The following LPO variants were observed in gnomAD, a reference collection of about 807,000 sequenced individuals.
The protein encoded by LPO is lactoperoxidase, also known as salivary peroxidase.
In LPO, 70 loss-of-function variants were observed where a neutral mutation model predicts 68.4. The observed-to-expected ratio is 1.02, with a 90% confidence interval of 0.84 to 1.25. The LOEUF (loss-of-function observed/expected upper bound fraction) is 1.25. Ranked by LOEUF, LPO falls within the 50% of genes most tolerant of loss-of-function variation. The pLI is 0.00. For missense variants in LPO, 873 were observed against 908.4 expected (o/e 0.96, Z 0.50); for synonymous variants, 360 against 357.6 (o/e 1.01, Z -0.08).
Position 58,264,973 on chromosome 17 carries a change from T to C in LPO, c.1518T>C (p.Asp506=), listed in dbSNP as rs1376266008. The C allele has an allele frequency of 6.2e-7, 1 of 1,613,604 alleles. No individual in the cohort carries two copies. Among genetic ancestry groups the C allele is most frequent in the Non-Finnish European group, 8.5e-7 (1 of 1,179,648 alleles). ...TCAACACTTGGAGGATGGTCAAAGA[T>C]GGTATGCCCTTTCAGGGAAGTGCTG... ...LFFNTWRMVK[D]GGIDPLVRGL... is the part of the protein sequence containing the mutation. The change falls in exon 10 of 13, where the codon GAT becomes GAC. Residue 506 remains aspartate, a splice_region_variant and synonymous_variant. Coordinates refer to ENST00000262290, the MANE Select transcript of LPO (RefSeq NM_006151.3).
At chr17:58,242,156 A>G (rs1969771321) in intron 1 of LPO, among the ~76,000 whole-genome samples, 1 of 152,220 alleles carries the variant, frequency 6.6e-6, no homozygotes, top group South Asian at 2.1e-4. Context: ...GAATCTCCTC[A>G]GAAGATGTAT....
chr17:58,253,847 A>AT (rs202113276), intron 8 of LPO, among the ~76,000 whole-genome samples: 1,888 of 152,316 alleles, frequency 0.012, 24 homozygotes, highest in Middle Eastern at 0.027. Flanking sequence ...GCAGTGGCTC[A>AT]TGCCTGTAAT....
In LPO at chr17:58,249,607, G is replaced by A. The variant is rs767194529; in HGVS notation, c.485G>A (p.Arg162His). ...ALGAANRALA[R>H]WLPAEYEDGL... The stretch of plus-strand genomic sequence containing the variant: ...GGCGCCGCCAACAGGGCTCTGGCGC[G>A]CTGGCTGCCCGCGGAGTACGAGGAC... The change falls in exon 6 of 13, where the codon CGC becomes CAC. Residue 162 changes from arginine to histidine, a missense_variant. By Grantham distance (29) the Arg-to-His change is conservative. Coordinates refer to ENST00000262290, the MANE Select transcript of LPO (RefSeq NM_006151.3). The A allele has an allele frequency of 6.2e-7, 1 of 1,603,358 alleles. No individual in the cohort carries two copies.
intron 7 of LPO, chr17:58,251,451 A>G (rs1969957877): frequency 5.4e-6 from 1 of 185,564 alleles, no homozygotes; most frequent in Admixed American, 5.4e-5. Context: ...ACTCAGAAGG[A>G]CTTGAAACCT....
chr17:58,253,649 C>T (rs1970006437), intron 8 of LPO, among the ~76,000 whole-genome samples: 1 of 152,194 alleles, frequency 6.6e-6, no homozygotes. Context: ...TTTGGACAAA[C>T]CCCCTGGCCA....
At chr17:58,266,823 GA>G (rs1037892857) in intron 11 of LPO, among the ~76,000 whole-genome samples, 2 of 152,122 alleles carry the variant, frequency 1.3e-5, no homozygotes, top group African/African-American at 4.8e-5. Flanking sequence ...CTAATGCAGA[GA>G]AAAGAGCATA....
In LPO at chr17:58,266,228, G is replaced by A; in HGVS notation, c.1595G>A (p.Gly532Glu). Residue 532 changes from glycine to glutamate, a missense_variant, in exon 11 of 13, where the codon GGA (glycine) becomes GAA (glutamate). Gly to Glu is a moderately conservative substitution (Grantham distance 98). Transcript: ENST00000262290. Reference protein sequence around the residue: ...KLMKQNKMMTGELRNKLFQPT... With the variant: ...KLMKQNKMMTEELRNKLFQPT... ...ATGAAACAGAATAAAATGATGACTG[G>A]AGAGCTGCGCAACAAGCTTTTCCAG... 1 of 1,614,140 alleles carries A rather than the reference G, an allele frequency of 6.2e-7. No individual in the cohort carries two copies. The highest frequency in any genetic ancestry group is 8.5e-7 in the Non-Finnish European group (1 of 1,180,032).
At position 58,264,890 on chromosome 17, in the gene LPO, G is replaced by T; in HGVS notation, c.1435G>T (p.Asp479Tyr). 1 of 1,614,204 alleles carries T rather than the reference G, an allele frequency of 6.2e-7. No individual in the cohort carries two copies. The highest frequency in any genetic ancestry group is 8.5e-7 in the Non-Finnish European group (1 of 1,180,032). ...GGTCCCCTCTAGTATGTTCCGCCTGGATGAGAATTATCAGCCATGGGGGCC... is the reference window on the plus strand; with the variant it reads ...GGTCCCCTCTAGTATGTTCCGCCTGTATGAGAATTATCAGCCATGGGGGCC... ...LEVPSSMFRL[D>Y]ENYQPWGPEP... The change falls in exon 10 of 13, where the codon GAT becomes TAT. Residue 479 changes from aspartate (D) to tyrosine (Y), a missense_variant. Transcript: ENST00000262290.
intron 1 of LPO, among the ~76,000 whole-genome samples, chr17:58,242,671 A>G (rs561121236): frequency 1.3e-5 from 2 of 152,220 alleles, no homozygotes; most frequent in Non-Finnish European, 2.9e-5. Context: ...AGGACCCCAG[A>G]GATGTTAAGT....
intron 3 of LPO, among the ~76,000 whole-genome samples, chr17:58,244,652 G>C (rs1969821358): frequency 6.6e-6 from 1 of 152,250 alleles, no homozygotes; most frequent in Non-Finnish European, 1.5e-5. Context: ...CTTGGAGCGA[G>C]GGAGCAGAGC....
Position 58,267,195 on chromosome 17 carries a change from TG to T in LPO, c.1694-153del, listed in dbSNP as rs149344364. Among the ~76,000 whole-genome samples the T allele has an allele frequency of 3.9e-5, 6 of 152,320 alleles. No individual in the cohort carries two copies. The East Asian group carries it at 1.2e-3, about 29-fold the overall frequency. ...CCAACTAGCCCCCTTAAGATTGAAG[TG>T]CAGATAAAAAACAATGGATTCCCTC... On this transcript the variant is annotated intron_variant, in intron 11 of 12. Coordinates refer to ENST00000262290, the MANE Select transcript of LPO (RefSeq NM_006151.3).
Position 58,252,316 on chromosome 17 carries a change from T to A in LPO, c.915T>A (p.Asp305Glu), listed in dbSNP as rs1422810940. ...TCAACGCTCTGACCTCCTTCCTGGA[T>A]GCCAGCTTTGTGTACAGCTCCGAGC... is the stretch of plus-strand genomic sequence containing the variant. Reference protein sequence around the residue: ...EQINALTSFLDASFVYSSEPS... With the variant: ...EQINALTSFLEASFVYSSEPS... Residue 305 changes from aspartate to glutamate, a missense_variant, in exon 8 of 13, where the codon GAT (aspartate) becomes GAA (glutamate). Asp to Glu is a conservative substitution (Grantham distance 45). Transcript: ENST00000262290. The A allele has an allele frequency of 1.2e-6, 2 of 1,614,128 alleles. No homozygotes were observed. Among genetic ancestry groups the A allele is most frequent in the Non-Finnish European group, 1.7e-6 (2 of 1,180,056 alleles).
intron 3 of LPO, among the ~76,000 whole-genome samples, chr17:58,246,074 AG>A (rs1447972476): frequency 1.3e-5 from 2 of 152,242 alleles, no homozygotes; most frequent in African/African-American, 4.8e-5. Context: ...AAACAGGGCA[AG>A]GGATGCCACT....
In LPO at chr17:58,267,808, G is replaced by A. The variant is rs1970301673; in HGVS notation, c.1953G>A (p.Gly651=). 1.2e-6 allele frequency: 2 copies of A among 1,614,088 alleles called. No homozygotes were observed. Among genetic ancestry groups the A allele is most frequent in the Non-Finnish European group, 8.5e-7 (1 of 1,179,994 alleles). The change falls in exon 13 of 13, where the codon GGG becomes GGA. Residue 651 remains glycine, a synonymous_variant. Transcript: ENST00000262290. ...GCAGGTTCTGGTGGGAAAACCCTGG[G>A]GTCTTCACGAACGAGCAGAAGGACT... The part of the protein sequence containing the change: ...DGDRFWWENP[G]VFTNEQKDSL...
intron 7 of LPO, chr17:58,251,782 A>G (rs1969963071): frequency 3.9e-6 from 2 of 508,740 alleles, no homozygotes; most frequent in African/African-American, 1.9e-5. Flanking sequence ...GAGGACTGAG[A>G]TGAGTTAAAG....
intron 9 of LPO, among the ~76,000 whole-genome samples, chr17:58,260,106 C>T (rs1970149840): frequency 6.6e-6 from 1 of 152,230 alleles, no homozygotes; most frequent in Non-Finnish European, 1.5e-5. Flanking sequence ...AGCCACCATG[C>T]CCAGCCCAGT....
At chr17:58,250,811 G>T in intron 7 of LPO, 190 bp downstream of exon 7, 1 of 613,674 alleles carries the variant, frequency 1.6e-6, no homozygotes, top group South Asian at 1.9e-5. Context: ...CCCATACCAG[G>T]CAGTGCACTA....
rs918858521 is a variant in LPO, at chr17:58,249,790, G to C, written c.573+95G>C. On this transcript the variant is annotated intron_variant, in intron 6 of 12. Coordinates refer to ENST00000262290, the MANE Select transcript of LPO (RefSeq NM_006151.3). ...GTGAAAGGAGGAGGAGGGATCGGTG[G>C]GGGCAGCAGGGGTGCGCGATGGAGA... 6 of 1,420,370 alleles carry C rather than the reference G, an allele frequency of 4.2e-6. No homozygotes were observed. In the East Asian group the frequency reaches 8.0e-5, roughly 19 times the overall value. The allele number at this position is 1,420,370 out of a possible 1,614,324, so 88.0% of individuals were successfully genotyped here.
chr17:58,241,413 G>GT lies in LPO; in HGVS notation c.-2-1559dup, dbSNP rs8178287. ...GGCATGAGCCACCACACCTGGCCAT[G>GT]TTTTTTACCATAGTTTGTTTTTTAA... On this transcript the variant is annotated intron_variant, in intron 1 of 12. Coordinates refer to ENST00000262290, the MANE Select transcript of LPO (RefSeq NM_006151.3). Among the ~76,000 whole-genome samples, 42 of 152,138 alleles carry GT rather than the reference G, an allele frequency of 2.8e-4. No homozygotes were observed. The East Asian group carries it at 6.2e-3, about 22-fold the overall frequency.
Sources: gnomAD v4.1 joint callset for allele counts (sites outside exome capture counted in the v4.1 genomes callset) on GRCh38, gnomAD v4.1.1 for gene constraint, MANE v1.5 for transcripts, NCBI Gene and HGNC (gene_info 2026-07-23, HGNC 2026-07-21) for gene names.